Variants in MYCBP2 observed in about 807,000 individuals in gnomAD.
The protein encoded by MYCBP2 is MYC binding protein 2.
MYCBP2 carries 120 observed loss-of-function variants against 525.3 expected under a neutral mutation model. The ratio of observed to expected loss-of-function variants is 0.23; its 90% confidence interval spans 0.20 to 0.27. The LOEUF (loss-of-function observed/expected upper bound fraction) is 0.27. Ranked by LOEUF, MYCBP2 falls within the 10% of genes least tolerant of loss-of-function variation. The pLI is 1.00. For missense variants in MYCBP2, 4,149 were observed against 5,657.1 expected, an observed-to-expected ratio of 0.73 and a Z score of 8.55; for synonymous variants, 1,894 against 1,955.8, an observed-to-expected ratio of 0.97 and a Z score of 0.83.
chr13:77,192,289 A>G (rs1271873758), intron 27 of MYCBP2, among the ~76,000 whole-genome samples: 2 of 152,220 alleles, frequency 1.3e-5, no homozygotes, highest in African/African-American at 4.8e-5. Flanking sequence ...CTATCCTCTC[A>G]GTACCTTAGC....
intron 26 of MYCBP2, among the ~76,000 whole-genome samples, chr13:77,198,110 T>C (rs1310349952): frequency 2.0e-5 from 3 of 152,208 alleles, no homozygotes; most frequent in African/African-American, 7.2e-5. Context: ...TGAGGTTGCT[T>C]CTCTAACGTG....
At chr13:77,118,125 T>C (rs569560122) in intron 55 of MYCBP2, among the ~76,000 whole-genome samples, 1 of 152,320 alleles carries the variant, frequency 6.6e-6, no homozygotes, top group Non-Finnish European at 1.5e-5. Context: ...ATGCTTACCA[T>C]AGTCATGCAT....
rs754466452 is a variant in MYCBP2, at chr13:77,174,502, G to C, written c.5473-13C>G. On this transcript the variant is annotated splice_polypyrimidine_tract_variant and intron_variant, in intron 36 of 82. Coordinates refer to ENST00000544440, the MANE Select transcript of MYCBP2 (RefSeq NM_015057.5). ...ATTTAACATTTTCCTTCATTATAAA[G>C]ATGTAAAACATCTTTTATTCACAAT... is the stretch of plus-strand genomic sequence containing the variant. 23 of 1,606,890 alleles carry C rather than the reference G, an allele frequency of 1.4e-5. No homozygotes were observed. The highest frequency in any genetic ancestry group is 2.0e-5 in the Non-Finnish European group (23 of 1,174,160).
intron 44 of MYCBP2, 72 bp from the exon 45 acceptor site, chr13:77,158,181 C>T: frequency 1.1e-6 from 1 of 907,134 alleles, no homozygotes; most frequent in Non-Finnish European, 1.6e-6. Flanking sequence ...TTTCAACATG[C>T]AGATACTTTC....
intron 23 of MYCBP2, among the ~76,000 whole-genome samples, chr13:77,209,660 T>C (rs570776122): frequency 3.5e-4 from 53 of 152,322 alleles, no homozygotes; most frequent in African/African-American, 1.2e-3. Flanking sequence ...CACTCACCCA[T>C]AGTCTCTTGT....
chr13:77,109,312 T>C (rs1406439486), intron 55 of MYCBP2, among the ~76,000 whole-genome samples: 4 of 152,294 alleles, frequency 2.6e-5, no homozygotes, highest in South Asian at 2.1e-4. Flanking sequence ...GCTCTCAACC[T>C]AGATCCCTTG....
rs559251832 is a variant in MYCBP2 at position 77,223,973 on chromosome 13, A to G, written c.2939+478T>C. On this transcript the variant is annotated intron_variant, in intron 20 of 82. Transcript: ENST00000544440. Reference sequence around the variant, plus strand: ...ACCAGTCTCTCTACTACTATTTGCAATAAGTCAAAAGAGTTAATCAGAGAG... The same window carrying G: ...ACCAGTCTCTCTACTACTATTTGCAGTAAGTCAAAAGAGTTAATCAGAGAG... 2.2e-4 allele frequency among the ~76,000 whole-genome samples: 33 copies of G among 152,334 alleles called. No homozygotes were observed. In the East Asian group the frequency reaches 5.0e-3, roughly 23 times the overall value.
chr13:77,199,858 A>C (rs1256655640), intron 26 of MYCBP2, among the ~76,000 whole-genome samples: 1 of 152,176 alleles, frequency 6.6e-6, no homozygotes, highest in East Asian at 1.9e-4. Context: ...AAACTAACAA[A>C]CAGAAAGGAC....
At chr13:77,112,155 C>T (rs2048925286) in intron 55 of MYCBP2, among the ~76,000 whole-genome samples, 1 of 151,892 alleles carries the variant, frequency 6.6e-6, no homozygotes, top group African/African-American at 2.4e-5. Context: ...ATAAGTGCTT[C>T]CTATTTTACT....
At chr13:77,059,895 C>G (rs1201865133) in intron 76 of MYCBP2, among the ~76,000 whole-genome samples, 1 of 151,986 alleles carries the variant, frequency 6.6e-6, no homozygotes, top group African/African-American at 2.4e-5. Flanking sequence ...GACTTCTAGT[C>G]AAGTTACCAG....
Position 77,150,818 on chromosome 13 carries a change from T to C in MYCBP2, c.7047A>G (p.Gly2349=), listed in dbSNP as rs763379520. 6.2e-7 allele frequency: 1 copy of C among 1,614,016 alleles called. No individual in the cohort carries two copies. Among genetic ancestry groups the C allele is most frequent in the Non-Finnish European group, 8.5e-7 (1 of 1,180,008 alleles). The change falls in exon 47 of 83, where the codon GGA becomes GGG. Residue 2349 remains glycine, a synonymous_variant. Coordinates refer to ENST00000544440, the MANE Select transcript of MYCBP2 (RefSeq NM_015057.5). ...AASSNTDMTY[G]GLASPKLDVS... ...CATCTAGCTTTGGTGATGCCAGCCCTCCATAAGTCATGTCAGTATTAGAAG... is the reference window on the plus strand; with the variant it reads ...CATCTAGCTTTGGTGATGCCAGCCCCCCATAAGTCATGTCAGTATTAGAAG...
chr13:77,139,221 C>A lies in MYCBP2; in HGVS notation c.7634G>T (p.Gly2545Val). Reference protein sequence around the residue: ...AWCLSFNQHLGKSLLVPVDES... With the variant: ...AWCLSFNQHLVKSLLVPVDES... ...GTCAACAGGGACCAGAAGACTCTTGCCAAGATGTTGATTAAAAGAGAGGCA... is the reference window on the plus strand; with the variant it reads ...GTCAACAGGGACCAGAAGACTCTTGACAAGATGTTGATTAAAAGAGAGGCA... Residue 2545 changes from glycine (G) to valine (V), a missense_variant, in exon 52 of 83, where the codon GGC (glycine) becomes GTC (valine). Gly to Val is a moderately radical substitution (Grantham distance 109). Around this residue, in one of 21 missense-constraint regions of MYCBP2, gnomAD observed 692 missense variants for 852.7 expected, o/e 0.81. Coordinates refer to ENST00000544440, the MANE Select transcript of MYCBP2 (RefSeq NM_015057.5). The A allele has an allele frequency of 6.2e-7, 1 of 1,613,620 alleles. No homozygotes were observed.
intron 42 of MYCBP2, 47 bp downstream of exon 42, chr13:77,165,226 A>T (rs1002703598): frequency 2.0e-6 from 3 of 1,494,980 alleles, no homozygotes; most frequent in Non-Finnish European, 2.8e-6. Context: ...ACTAGCCCTT[A>T]GAAACACAAT....
chr13:77,217,822 G>T lies in MYCBP2; in HGVS notation c.3057+18C>A, dbSNP rs2065031727. The T allele has an allele frequency of 2.0e-6, 3 of 1,505,932 alleles. No homozygotes were observed. The highest frequency in any genetic ancestry group is 1.4e-5 in the African/African-American group (1 of 72,180). The allele number at this position is 1,505,932 out of a possible 1,614,324, so 93.3% of individuals were successfully genotyped here. A position where few individuals can be genotyped will look rare whatever the true frequency, so the allele number is the denominator to read the frequency against. ...AATGGTATAATGCAATATTATTAATGTTTTAAAAATTCCTTACAGAAAAAC... is the reference window on the plus strand; with the variant it reads ...AATGGTATAATGCAATATTATTAATTTTTTAAAAATTCCTTACAGAAAAAC... On this transcript the variant is annotated intron_variant, in intron 21 of 82. Transcript: ENST00000544440.
chr13:77,198,556 C>T (rs1444144995), intron 26 of MYCBP2, among the ~76,000 whole-genome samples: 3 of 152,182 alleles, frequency 2.0e-5, no homozygotes, highest in Non-Finnish European at 4.4e-5. Context: ...TTTTCTCTTT[C>T]ACTTTTAGAG....
chr13:77,074,418 A>T (rs993497038), intron 68 of MYCBP2, among the ~76,000 whole-genome samples: 1 of 152,204 alleles, frequency 6.6e-6, no homozygotes, highest in African/African-American at 2.4e-5. Flanking sequence ...CATACATAAA[A>T]ATCATGAATC....
intron 43 of MYCBP2, among the ~76,000 whole-genome samples, chr13:77,163,812 G>A (rs1240565089): frequency 6.6e-6 from 1 of 152,104 alleles, no homozygotes; most frequent in Non-Finnish European, 1.5e-5. Flanking sequence ...AAGTCTTCAA[G>A]TCCAATGATA....
chr13:77,209,435 A>G (rs2063719948), intron 23 of MYCBP2, among the ~76,000 whole-genome samples: 1 of 152,240 alleles, frequency 6.6e-6, no homozygotes, highest in African/African-American at 2.4e-5. Flanking sequence ...AAGAACTACA[A>G]AACAGTAAAA....
chr13:77,294,611 T>TA (rs1208865745), intron 2 of MYCBP2, among the ~76,000 whole-genome samples: 1 of 151,994 alleles, frequency 6.6e-6, no homozygotes, highest in Non-Finnish European at 1.5e-5. Flanking sequence ...AATGAAACCT[T>TA]AAAAAAACTT....
Sources: gnomAD v4.1 joint callset for allele counts (sites outside exome capture counted in the v4.1 genomes callset) on GRCh38, gnomAD v4.1.1 for gene constraint, gnomAD v4.1.1 regional missense constraint, MANE v1.5 for transcripts, NCBI Gene and HGNC (gene_info 2026-07-23, HGNC 2026-07-21) for gene names.